Variants in POU2F3 observed in about 807,000 individuals in gnomAD.
POU2F3 encodes the protein POU class 2 homeobox 3.
A neutral mutation model predicts 59.2 loss-of-function variants in POU2F3; 23 were observed. That is an observed-to-expected ratio of 0.39 (90% CI 0.28 to 0.55). The LOEUF is 0.55. Ranked by LOEUF, POU2F3 falls within the 20% of genes least tolerant of loss-of-function variation. The pLI, the probability that POU2F3 is intolerant of heterozygous loss-of-function variation, is 0.66. For synonymous variants in POU2F3, 190 were observed against 214.6 expected (o/e 0.89, Z 1.00); for missense variants, 473 against 544.5 (o/e 0.87, Z 1.31).
intron 2 of POU2F3, among the ~76,000 whole-genome samples, chr11:120,266,535 C>T (rs1939832881): frequency 6.6e-6 from 1 of 152,166 alleles, no homozygotes. Flanking sequence ...GCCAACTCTC[C>T]ATCACTACTC....
chr11:120,263,751 T>G (rs909734272), intron 2 of POU2F3, among the ~76,000 whole-genome samples: 2 of 152,210 alleles, frequency 1.3e-5, no homozygotes, highest in Non-Finnish European at 2.9e-5. Context: ...ATAATGCTGC[T>G]GGCCATATGT....
At chr11:120,243,115 T>C (rs1235742206) in intron 1 of POU2F3, among the ~76,000 whole-genome samples, 2 of 152,140 alleles carry the variant, frequency 1.3e-5, no homozygotes, top group African/African-American at 4.8e-5. Flanking sequence ...ATGATGGGAC[T>C]GAGAAGAAAT....
chr11:120,279,351 G>A (rs1288461437), intron 3 of POU2F3, among the ~76,000 whole-genome samples: 3 of 152,124 alleles, frequency 2.0e-5, no homozygotes, highest in African/African-American at 7.2e-5. Context: ...ATAGAGTTAA[G>A]ATCTATAAAG....
At chr11:120,278,049 CA>C (rs1351434765) in intron 3 of POU2F3, among the ~76,000 whole-genome samples, 1 of 152,122 alleles carries the variant, frequency 6.6e-6, no homozygotes, top group African/African-American at 2.4e-5. Flanking sequence ...AAGCTCCAGC[CA>C]AATCTAATAC....
chr11:120,294,604 T>C (rs1414906273), intron 3 of POU2F3, among the ~76,000 whole-genome samples: 1 of 152,216 alleles, frequency 6.6e-6, no homozygotes, highest in Admixed American at 6.5e-5. Flanking sequence ...GCTTCCAACC[T>C]TTTCCCCTTA....
At position 120,260,906 on chromosome 11, in the gene POU2F3, A is replaced by AT. The variant is rs369110267; in HGVS notation, c.98-8295dup. On this transcript the variant is annotated intron_variant, in intron 2 of 12. Coordinates refer to ENST00000543440, the MANE Select transcript of POU2F3 (RefSeq NM_014352.4). Reference sequence around the variant, plus strand: ...AACATAGTGAGACCCTGTCTTTACAATTTTTTTTTAAATTAGTCAGTTGTG... The same window carrying AT: ...AACATAGTGAGACCCTGTCTTTACAATTTTTTTTTTAAATTAGTCAGTTGTG... Among the ~76,000 whole-genome samples the AT allele has an allele frequency of 3.9e-3, 589 of 151,576 alleles. 3 individuals carry two copies. The highest frequency in any genetic ancestry group is 5.4e-3 in the Non-Finnish European group (368 of 67,832).
intron 4 of POU2F3, 95 bp from the exon 5 acceptor site, chr11:120,299,529 T>A: frequency 9.2e-7 from 1 of 1,088,088 alleles, no homozygotes; most frequent in African/African-American, 1.6e-5. Context: ...AGTCTCTGAG[T>A]CTGGAGACCC....
rs192330011 is a variant in POU2F3, at chr11:120,246,542, T to C, written c.97+25T>C. 2.0e-5 allele frequency: 31 copies of C among 1,572,118 alleles called. No individual in the cohort carries two copies. The African/African-American group carries it at 3.5e-4, about 18-fold the overall frequency. On this transcript the variant is annotated intron_variant, in intron 2 of 12. Coordinates refer to ENST00000543440, the MANE Select transcript of POU2F3 (RefSeq NM_014352.4). ...GGTAAGGGTCTTCTCTTCTCGGGGA[T>C]GGAGGGGGTGGGGGGAAGAGAGTTG...
rs1322207030 is a variant in POU2F3 at position 120,276,213 on chromosome 11, A to G, written c.132+6969A>G. On this transcript the variant is annotated intron_variant, in intron 3 of 12. Coordinates refer to ENST00000543440, the MANE Select transcript of POU2F3 (RefSeq NM_014352.4). The stretch of plus-strand genomic sequence containing the variant: ...TGAGAGAGCAAGGGAGGGAATGAAT[A>G]GGCCATGTTGGATTGTTTAGTTCCA... Among the ~76,000 whole-genome samples the G allele has an allele frequency of 2.6e-5, 4 of 152,198 alleles. No individual in the cohort carries two copies. The East Asian group carries it at 7.7e-4, about 29-fold the overall frequency.
At chr11:120,312,115 A>AT (rs1360620257) in intron 10 of POU2F3, among the ~76,000 whole-genome samples, 1 of 151,976 alleles carries the variant, frequency 6.6e-6, no homozygotes, top group African/African-American at 2.4e-5. Context: ...AATTTTTTAA[A>AT]TTTTTTATTT....
chr11:120,315,300 G>C lies in POU2F3; in HGVS notation c.1069-61G>C. On this transcript the variant is annotated intron_variant, in intron 10 of 12. Transcript: ENST00000543440. ...GTCTGGGGCCTACTGTCTTTGGAGA[G>C]TGATCTGAAGTTGGAGAAGGGAGCA... The C allele has an allele frequency of 2.7e-6, 4 of 1,460,348 alleles. No homozygotes were observed. The South Asian group carries it at 4.6e-5, about 17-fold the overall frequency. 90.5% of individuals were successfully genotyped at this position (1,460,348 alleles called of 1,614,324 possible). A position where few individuals can be genotyped will look rare whatever the true frequency, so the allele number is the denominator to read the frequency against.
intron 5 of POU2F3, among the ~76,000 whole-genome samples, chr11:120,300,478 G>C (rs975140923): frequency 2.6e-5 from 4 of 152,020 alleles, no homozygotes; most frequent in African/African-American, 7.2e-5. Context: ...AGTGATGGAG[G>C]GTTGGCCAGG....
chr11:120,306,584 C>G (rs1941496218), intron 8 of POU2F3, among the ~76,000 whole-genome samples: 1 of 151,906 alleles, frequency 6.6e-6, no homozygotes, highest in South Asian at 2.1e-4. Context: ...TGCCAAATGT[C>G]CCAGGGGGAG....
chr11:120,299,608 ATC>A lies in POU2F3; in HGVS notation c.259-11_259-10del, dbSNP rs773399285. 1 of 1,609,266 alleles carries A rather than the reference ATC, an allele frequency of 6.2e-7. No homozygotes were observed. On this transcript the variant is annotated splice_polypyrimidine_tract_variant and intron_variant, in intron 4 of 12. Coordinates refer to ENST00000543440, the MANE Select transcript of POU2F3 (RefSeq NM_014352.4). ...CTTGTAAATTCTGTGGTGTATGTGTATCTCTCCGTGTGTAGGACATGGCTTCC... is the reference window on the plus strand; with the variant it reads ...CTTGTAAATTCTGTGGTGTATGTGTATCTCCGTGTGTAGGACATGGCTTCC...
At chr11:120,278,281 G>A (rs1940417612) in intron 3 of POU2F3, among the ~76,000 whole-genome samples, 1 of 152,144 alleles carries the variant, frequency 6.6e-6, no homozygotes, top group Non-Finnish European at 1.5e-5. Context: ...CTTCTACAGC[G>A]CAAGATGTCT....
At chr11:120,315,024 A>G (rs549043350) in intron 10 of POU2F3, among the ~76,000 whole-genome samples, 19 of 152,376 alleles carry the variant, frequency 1.2e-4, no homozygotes, top group Non-Finnish European at 2.5e-4. Flanking sequence ...GCAGGGCCCA[A>G]GAGGCTTGTC....
chr11:120,289,608 C>G (rs1381319056), intron 3 of POU2F3, among the ~76,000 whole-genome samples: 1 of 152,178 alleles, frequency 6.6e-6, no homozygotes, highest in African/African-American at 2.4e-5. Flanking sequence ...AGATCCTGAA[C>G]AGGAAGAGAA....
intron 3 of POU2F3, among the ~76,000 whole-genome samples, chr11:120,287,210 G>A (rs1940814638): frequency 6.6e-6 from 1 of 152,188 alleles, no homozygotes; most frequent in Non-Finnish European, 1.5e-5. Context: ...GGGGGATTTG[G>A]TCAGGCCTAG....
In POU2F3 at chr11:120,240,222, C is replaced by A; in HGVS notation, c.-122C>A. 8.0e-7 allele frequency: 1 copy of A among 1,244,520 alleles called. No homozygotes were observed. The highest frequency in any genetic ancestry group is 1.0e-6 in the Non-Finnish European group (1 of 987,816). 77.1% of individuals were successfully genotyped at this position (1,244,520 alleles called of 1,614,324 possible). On this transcript the variant is annotated 5_prime_UTR_variant, in exon 1 of 13. Transcript: ENST00000543440. ...ACAGTGGCGGCGACGGCTCCGGCAG[C>A]GGCTCCCGCGGCGGCGGCGGCCGGG...
Sources: allele counts gnomAD v4.1 joint callset (sites outside exome capture counted in the v4.1 genomes callset), GRCh38; gene constraint gnomAD v4.1.1; transcripts MANE v1.5; gene names NCBI Gene and HGNC (gene_info 2026-07-23, HGNC 2026-07-21).